The following KCNK10 variants were observed in gnomAD, a reference collection of about 807,000 sequenced individuals.
KCNK10 encodes the protein potassium channel subfamily K member 10.
In KCNK10, 25 loss-of-function variants were observed where a neutral mutation model predicts 47.7. That is an observed-to-expected ratio of 0.52 (90% CI 0.38 to 0.73). The LOEUF is 0.73. Ranked by LOEUF, KCNK10 falls within the 30% of genes least tolerant of loss-of-function variation. The pLI, the probability that KCNK10 is intolerant of heterozygous loss-of-function variation, is 0.00. For missense variants in KCNK10, 563 were observed against 714.5 expected, an observed-to-expected ratio of 0.79 and a Z score of 2.42; for synonymous variants, 303 against 285.6, an observed-to-expected ratio of 1.06 and a Z score of -0.61.
rs1884416864 is a variant in KCNK10, at chr14:88,182,885, C to A, written c.*2650G>T. The A allele has an allele frequency of 6.6e-6, 1 of 152,222 alleles. No individual in the cohort carries two copies. The allele number at this position is 152,222 out of a possible 1,614,324, so 9.4% of individuals were successfully genotyped here. A position where few individuals can be genotyped will look rare whatever the true frequency, so the allele number is the denominator to read the frequency against. Reference sequence around the variant, plus strand: ...TCAAAGGGCATTTTTTAAAGGGTGCCACATACAAAATTTCCAAAACCAAAT... The same window carrying A: ...TCAAAGGGCATTTTTTAAAGGGTGCAACATACAAAATTTCCAAAACCAAAT... On this transcript the variant is annotated 3_prime_UTR_variant, in exon 7 of 7. Coordinates refer to ENST00000319231, the MANE Select transcript of KCNK10 (RefSeq NM_138317.3).
intron 4 of KCNK10, among the ~76,000 whole-genome samples, chr14:88,198,774 A>G (rs1352178647): frequency 1.3e-5 from 2 of 152,114 alleles, no homozygotes; most frequent in Non-Finnish European, 2.9e-5. Flanking sequence ...ACCCCTTGTG[A>G]TCTCCTATCT....
In KCNK10 at chr14:88,185,491, A is replaced by ACT. The variant is rs776252315; in HGVS notation, c.*43_*44insAG. The ACT allele has an allele frequency of 6.3e-7, 1 of 1,575,258 alleles. No individual in the cohort carries two copies. ...CAGTGTGAATATTAAAAACACACAC[A>ACT]CACACACACACAACGCTCAGTCCAA... On this transcript the variant is annotated 3_prime_UTR_variant, in exon 7 of 7. Transcript: ENST00000319231. The surrounding 1 kb of genome is among the most constrained non-coding windows in gnomAD (Gnocchi z 4.3).
chr14:88,243,807 GA>G (rs1171676217), intron 2 of KCNK10, among the ~76,000 whole-genome samples: 1 of 151,442 alleles, frequency 6.6e-6, no homozygotes, highest in Non-Finnish European at 1.5e-5. Flanking sequence ...TGACAGGTGG[GA>G]AATTCAGGCT....
chr14:88,239,762 G>T (rs989562421), intron 3 of KCNK10, among the ~76,000 whole-genome samples: 5 of 151,974 alleles, frequency 3.3e-5, no homozygotes, highest in African/African-American at 1.2e-4. Flanking sequence ...AGGAGAATGA[G>T]GCAAGAGAAT....
At position 88,260,395 on chromosome 14, in the gene KCNK10, C is replaced by T. The variant is rs140204822; in HGVS notation, c.402+2807G>A. The stretch of plus-strand genomic sequence containing the variant: ...CAAGCCATGCTTCCTGCACAGCCTG[C>T]GGAACTGTGAATCAATTAAACCTCT... On this transcript the variant is annotated intron_variant, in intron 2 of 6. Transcript: ENST00000319231. This position sits in a 1 kb window ranked among gnomAD's most constrained non-coding sequence, Gnocchi z 4.5. Among the ~76,000 whole-genome samples, 560 of 152,268 alleles carry T rather than the reference C, an allele frequency of 3.7e-3. 5 individuals carry two copies. Among genetic ancestry groups the T allele is most frequent in the African/African-American group, 0.011 (454 of 41,542 alleles).
At chr14:88,263,652 T>A in intron 1 of KCNK10, 101 bp from the exon 2 acceptor site, 1 of 1,084,476 alleles carries the variant, frequency 9.2e-7, no homozygotes, top group Admixed American at 2.7e-5. Context: ...TGAGCCAGCT[T>A]TCAAATGTGA....
At chr14:88,210,516 G>T (rs559572298) in intron 4 of KCNK10, among the ~76,000 whole-genome samples, 3 of 152,322 alleles carry the variant, frequency 2.0e-5, no homozygotes, top group African/African-American at 7.2e-5. Flanking sequence ...GTAGAAAAAA[G>T]GTCTGGTGGA....
At chr14:88,326,237 C>G (rs1449573805), upstream of KCNK10, among the ~76,000 whole-genome samples, 1 of 141,590 alleles carries the variant, frequency 7.1e-6, no homozygotes, top group Non-Finnish European at 1.5e-5. Flanking sequence ...AGTACCGTTT[C>G]CCAAAACGTG....
intron 4 of KCNK10, among the ~76,000 whole-genome samples, chr14:88,209,522 G>C (rs1472850610): frequency 1.3e-5 from 2 of 152,258 alleles, no homozygotes; most frequent in African/African-American, 2.4e-5. Context: ...CTGCACTCTT[G>C]CTTGTGCTGT....
intron 3 of KCNK10, among the ~76,000 whole-genome samples, chr14:88,230,357 G>A (rs995180329): frequency 1.3e-5 from 2 of 152,232 alleles, no homozygotes; most frequent in African/African-American, 2.4e-5. Flanking sequence ...AGGGCAAACA[G>A]CCAAGGGGAG....
At chr14:88,196,793 G>C (rs1595074389) in intron 4 of KCNK10, among the ~76,000 whole-genome samples, 1 of 152,182 alleles carries the variant, frequency 6.6e-6, no homozygotes, top group Admixed American at 6.5e-5. Context: ...TCTCAAAATG[G>C]AAAGATGATG....
chr14:88,299,379 G>A (rs1888050392), intron 1 of KCNK10, among the ~76,000 whole-genome samples: 1 of 152,308 alleles, frequency 6.6e-6, no homozygotes, highest in Admixed American at 6.5e-5. Flanking sequence ...TCTCATTGGT[G>A]TGCCATTCTC....
chr14:88,301,598 C>T (rs1195375165), intron 1 of KCNK10, among the ~76,000 whole-genome samples: 2 of 148,046 alleles, frequency 1.4e-5, no homozygotes, highest in East Asian at 4.0e-4. Flanking sequence ...ACTGAGATTT[C>T]AGAGGCGAGG....
rs550560619 is a variant in KCNK10 at position 88,266,806 on chromosome 14, T to C, written c.53-3255A>G. ...TAGCTTAAAGCCTCATCAGCTGACA[T>C]GCAATAAATAGCATGAGCATGGAGG... On this transcript the variant is annotated intron_variant, in intron 1 of 6. Coordinates refer to ENST00000319231, the MANE Select transcript of KCNK10 (RefSeq NM_138317.3). Among the ~76,000 whole-genome samples, 28 of 152,300 alleles carry C rather than the reference T, an allele frequency of 1.8e-4. No individual in the cohort carries two copies. In the South Asian group the frequency reaches 5.8e-3, roughly 32 times the overall value.
intron 4 of KCNK10, among the ~76,000 whole-genome samples, chr14:88,198,318 G>A (rs116095215): frequency 1.3e-5 from 2 of 152,246 alleles, no homozygotes; most frequent in African/African-American, 4.8e-5. Context: ...AGGAGAATGG[G>A]ACACCTGCTG....
intron 4 of KCNK10, among the ~76,000 whole-genome samples, chr14:88,193,659 C>T (rs985269107): frequency 6.6e-6 from 1 of 152,170 alleles, no homozygotes; most frequent in Admixed American, 6.5e-5. Context: ...GCACCAAGCA[C>T]AGAGAGACCT....
chr14:88,300,763 G>A (rs1036697372), intron 1 of KCNK10, among the ~76,000 whole-genome samples: 1 of 152,170 alleles, frequency 6.6e-6, no homozygotes, highest in African/African-American at 2.4e-5. Flanking sequence ...TTCTTTTAAA[G>A]AACTCACCTA....
At chr14:88,245,322 T>C (rs371158382) in intron 2 of KCNK10, among the ~76,000 whole-genome samples, 1 of 152,124 alleles carries the variant, frequency 6.6e-6, no homozygotes, top group East Asian at 1.9e-4. Flanking sequence ...TCTTTCTCCC[T>C]TGTCCTCCCT....
intron 1 of KCNK10, among the ~76,000 whole-genome samples, chr14:88,277,304 T>G (rs941460421): frequency 2.6e-5 from 4 of 152,164 alleles, no homozygotes; most frequent in Admixed American, 6.5e-5. Context: ...AGAAAACAGT[T>G]TCTACAAAAT....
Sources: allele counts gnomAD v4.1 joint callset (sites outside exome capture counted in the v4.1 genomes callset), GRCh38; gene constraint gnomAD v4.1.1; non-coding constraint Gnocchi (gnomAD v3.1); transcripts MANE v1.5; gene names NCBI Gene and HGNC (gene_info 2026-07-23, HGNC 2026-07-21).